IL1RAPL2: variants seen among roughly 807,000 people sequenced by gnomAD.
IL1RAPL2 encodes the protein X-linked interleukin-1 receptor accessory protein-like 2.
IL1RAPL2 carries 3 observed loss-of-function variants against 44.1 expected under a neutral mutation model. The ratio of observed to expected loss-of-function variants is 0.07; its 90% CI spans 0.03 to 0.18. The LOEUF (loss-of-function observed/expected upper bound fraction) is 0.18, where lower values mean the gene tolerates loss of function less well. IL1RAPL2 is among the 10% of genes least tolerant of loss of function. The pLI, the probability that IL1RAPL2 is intolerant of heterozygous loss-of-function variation, is 1.00. For synonymous variants in IL1RAPL2, 181 were observed against 178.8 expected (o/e 1.01, Z -0.10); for missense variants, 391 against 496.4 (o/e 0.79, Z 2.02).
In IL1RAPL2 at chrX:104,904,225, T is replaced by TTATA. The variant is rs59230040; in HGVS notation, c.82+245246_82+245249dup. Among the ~76,000 whole-genome samples the TTATA allele has an allele frequency of 5.7e-5, 6 of 104,722 alleles. No individual in the cohort carries two copies. The South Asian group carries it at 1.3e-3, about 22-fold the overall frequency. 90.9% of individuals were successfully genotyped at this position (104,722 alleles called of 115,157 possible). On this transcript the variant is annotated intron_variant, in intron 2 of 10. Coordinates refer to ENST00000372582, the MANE Select transcript of IL1RAPL2 (RefSeq NM_017416.2). ...TAACATGGAAAGTACTTATCTTCTT[T>TTATA]TATATATATATATATATATGCATAC...
chrX:104,744,960 T>C (rs975159630), intron 2 of IL1RAPL2, among the ~76,000 whole-genome samples: 1 of 110,250 alleles, frequency 9.1e-6, no homozygotes, highest in Non-Finnish European at 1.9e-5. Context: ...TAGAGAAGCA[T>C]AGAATGACTA....
At chrX:105,220,173 T>A in intron 3 of IL1RAPL2, 2 of 1,211,187 alleles carry the variant, frequency 1.7e-6, no homozygotes, top group Non-Finnish European at 2.2e-6. Context: ...CAAAGCGCAC[T>A]CCCAAGGCCA....
intron 6 of IL1RAPL2, among the ~76,000 whole-genome samples, chrX:105,500,075 T>C (rs1487762607): frequency 9.0e-6 from 1 of 111,648 alleles, no homozygotes; most frequent in Non-Finnish European, 1.9e-5. Context: ...AATAAGCCGG[T>C]CACAGAAAGA....
rs770235691 is a variant in IL1RAPL2 at position 104,650,942 on chromosome X, A to G, written c.-19-7953A>G. On this transcript the variant is annotated intron_variant, in intron 1 of 10. Transcript: ENST00000372582. Reference sequence around the variant, plus strand: ...ATGTCATGAACTTGGGTAAGTCACAAATGTCAGTTTCCTGAAAAGTAAAAT... The same window carrying G: ...ATGTCATGAACTTGGGTAAGTCACAGATGTCAGTTTCCTGAAAAGTAAAAT... Among the ~76,000 whole-genome samples the G allele has an allele frequency of 3.6e-5, 4 of 111,923 alleles. No homozygotes were observed. In the East Asian group the frequency reaches 8.4e-4, roughly 24 times the overall value.
At chrX:105,124,933 CTCCTTTCTTTTCT>C (rs2032960496) in intron 2 of IL1RAPL2, among the ~76,000 whole-genome samples, 1 of 110,019 alleles carries the variant, frequency 9.1e-6, no homozygotes, top group African/African-American at 3.3e-5. Flanking sequence ...CTTTCTTTCC[CTCCTTTCTTTTCT>C]TTCTTTCCTT....
At chrX:104,837,749 A>G (rs1921780126) in intron 2 of IL1RAPL2, among the ~76,000 whole-genome samples, 1 of 111,484 alleles carries the variant, frequency 9.0e-6, no homozygotes, top group Non-Finnish European at 1.9e-5. Context: ...CCATTTGTCA[A>G]TTTTGGCTTT....
chrX:105,448,385 T>A (rs2035991730), intron 5 of IL1RAPL2, among the ~76,000 whole-genome samples: 1 of 104,892 alleles, frequency 9.5e-6, no homozygotes, highest in African/African-American at 3.8e-5. Flanking sequence ...TTTTTTTTGA[T>A]ACGTTGTTTT....
chrX:105,417,205 G>A (rs1425675482), intron 5 of IL1RAPL2, among the ~76,000 whole-genome samples: 2 of 112,599 alleles, frequency 1.8e-5, no homozygotes, highest in East Asian at 5.6e-4. Context: ...CGGGCGCAGT[G>A]GCTCCCGCCT....
intron 2 of IL1RAPL2, among the ~76,000 whole-genome samples, chrX:104,746,565 T>C (rs1195057745): frequency 4.5e-5 from 5 of 111,883 alleles, no homozygotes; most frequent in Non-Finnish European, 7.5e-5. Flanking sequence ...AGAGGCTAAA[T>C]TGTGATTTTC....
chrX:105,538,588 T>C (rs951217234), intron 6 of IL1RAPL2, among the ~76,000 whole-genome samples: 2 of 111,703 alleles, frequency 1.8e-5, no homozygotes, highest in African/African-American at 6.5e-5. Flanking sequence ...AGCTTCCATT[T>C]ACCCTTCAAA....
At chrX:104,921,468 C>T (rs1222376663) in intron 2 of IL1RAPL2, among the ~76,000 whole-genome samples, 1 of 112,344 alleles carries the variant, frequency 8.9e-6, no homozygotes, top group Non-Finnish European at 1.9e-5. Flanking sequence ...ACATAGCCTC[C>T]ATTGTCCCGC....
At chrX:104,711,307 A>G (rs1033656645) in intron 2 of IL1RAPL2, among the ~76,000 whole-genome samples, 2 of 111,259 alleles carry the variant, frequency 1.8e-5, no homozygotes, top group Non-Finnish European at 3.8e-5. Flanking sequence ...CATTAAAGCT[A>G]TTGATCTTGT....
At chrX:105,758,341 G>GTCTTTTT (rs2038657477) in intron 10 of IL1RAPL2, among the ~76,000 whole-genome samples, 1 of 110,227 alleles carries the variant, frequency 9.1e-6, no homozygotes, top group Non-Finnish European at 1.9e-5. Flanking sequence ...CTACTCTCAC[G>GTCTTTTT]GTATTCCAAC....
intron 2 of IL1RAPL2, among the ~76,000 whole-genome samples, chrX:104,699,076 T>C (rs1931229139): frequency 3.6e-5 from 4 of 111,318 alleles, no homozygotes. Flanking sequence ...AAGCTCCAGA[T>C]ACCTTCCATT....
At chrX:104,975,022 C>T (rs1200263724) in intron 2 of IL1RAPL2, among the ~76,000 whole-genome samples, 2 of 112,134 alleles carry the variant, frequency 1.8e-5, no homozygotes, top group Non-Finnish European at 3.8e-5. Context: ...GGGATTAAAG[C>T]ATTTGCTAAT....
At chrX:104,774,424 T>G (rs1286530935) in intron 2 of IL1RAPL2, among the ~76,000 whole-genome samples, 2 of 111,595 alleles carry the variant, frequency 1.8e-5, no homozygotes, top group Admixed American at 9.5e-5. Context: ...TGGAAGAAAG[T>G]TTTGTGCATG....
intron 2 of IL1RAPL2, among the ~76,000 whole-genome samples, chrX:105,187,203 A>G (rs1354601917): frequency 2.7e-5 from 3 of 112,260 alleles, no homozygotes; most frequent in Non-Finnish European, 3.8e-5. Context: ...AAAAATTACC[A>G]TAAACTCTTA....
chrX:105,066,245 T>C (rs962536254), intron 2 of IL1RAPL2, among the ~76,000 whole-genome samples: 1 of 111,462 alleles, frequency 9.0e-6, no homozygotes, highest in Non-Finnish European at 1.9e-5. Flanking sequence ...CCAGAACATA[T>C]CTTCATCAGT....
At position 104,883,638 on chromosome X, in the gene IL1RAPL2, C is replaced by T. The variant is rs1005900428; in HGVS notation, c.82+224643C>T. On this transcript the variant is annotated intron_variant, in intron 2 of 10. Coordinates refer to ENST00000372582, the MANE Select transcript of IL1RAPL2 (RefSeq NM_017416.2). ...GCTAGTCCCACTTCTAAAAACCACT[C>T]CCTATCTCTGGTGCTTTTCTAGTTT... Among the ~76,000 whole-genome samples, 9 of 111,460 alleles carry T rather than the reference C, an allele frequency of 8.1e-5. No individual in the cohort carries two copies. The Admixed American group carries it at 8.6e-4, about 11-fold the overall frequency.
Sources: gnomAD v4.1 joint callset for allele counts (sites outside exome capture counted in the v4.1 genomes callset) on GRCh38, gnomAD v4.1.1 for gene constraint, MANE v1.5 for transcripts, NCBI Gene and HGNC (gene_info 2026-07-23, HGNC 2026-07-21) for gene names.